GATAD2B: variants seen among roughly 807,000 people sequenced by gnomAD.
GATAD2B encodes transcriptional repressor p66-beta.
A neutral mutation model predicts 64.3 loss-of-function variants in GATAD2B; 8 were observed. The observed-to-expected ratio is 0.12, with a 90% CI of 0.07 to 0.22. The LOEUF is 0.22. Among genes scored for constraint, GATAD2B ranks in the 10% least tolerant of loss-of-function variants. The pLI is 1.00. For synonymous variants in GATAD2B, 281 were observed against 271.3 expected (o/e 1.04, Z -0.35); for missense variants, 453 against 752.0 (o/e 0.60, Z 4.65).
chr1:153,859,232 T>C (rs550668993), intron 1 of GATAD2B, among the ~76,000 whole-genome samples: 226 of 150,804 alleles, frequency 1.5e-3, no homozygotes, highest in African/African-American at 5.4e-3. Flanking sequence ...GCAGGTGTGG[T>C]GGAGTGTGCC....
In GATAD2B at chr1:153,839,197, C is replaced by T. The variant is rs116184028; in HGVS notation, c.-1-10849G>A. Among the ~76,000 whole-genome samples the T allele has an allele frequency of 5.2e-3, 775 of 147,788 alleles. 3 individuals carry two copies. The highest frequency in any genetic ancestry group is 9.3e-3 in the Non-Finnish European group (623 of 67,278). ...AGAGCAGAAAAAGAAAAATGTCCAACTTTAAACTTGCTGTTGGACTCCTAT... is the reference window on the plus strand; with the variant it reads ...AGAGCAGAAAAAGAAAAATGTCCAATTTTAAACTTGCTGTTGGACTCCTAT... On this transcript the variant is annotated intron_variant, in intron 1 of 10. Coordinates refer to ENST00000368655, the MANE Select transcript of GATAD2B (RefSeq NM_020699.4).
intron 1 of GATAD2B, among the ~76,000 whole-genome samples, chr1:153,915,589 G>A (rs1678239204): frequency 6.6e-6 from 1 of 151,840 alleles, no homozygotes; most frequent in African/African-American, 2.4e-5. Context: ...TCAAAAATTA[G>A]CTGGGCAAAG....
At position 153,808,538 on chromosome 1, in the gene GATAD2B, CA is replaced by C. The variant is rs1674177189; in HGVS notation, c.*1638del. On this transcript the variant is annotated 3_prime_UTR_variant, in exon 11 of 11. Transcript: ENST00000368655. ...AACTTCCTCAGGTGACTTTCAAGGGCAAAATATTAAACTTCTCCTCATTCTT... is the reference window on the plus strand; with the variant it reads ...AACTTCCTCAGGTGACTTTCAAGGGCAAATATTAAACTTCTCCTCATTCTT... The C allele has an allele frequency of 6.6e-6, 1 of 152,428 alleles. No individual in the cohort carries two copies. The highest frequency in any genetic ancestry group is 1.5e-5 in the Non-Finnish European group (1 of 67,996). 9.4% of individuals were successfully genotyped at this position (152,428 alleles called of 1,614,324 possible).
chr1:153,853,724 T>G (rs1041561562), intron 1 of GATAD2B, among the ~76,000 whole-genome samples: 8 of 152,122 alleles, frequency 5.3e-5, no homozygotes, highest in Non-Finnish European at 8.8e-5. Flanking sequence ...TTCTTATGAG[T>G]TTTATAGTTT....
intron 10 of GATAD2B, among the ~76,000 whole-genome samples, chr1:153,811,056 C>A (rs1426691494): frequency 6.6e-6 from 1 of 152,164 alleles, no homozygotes; most frequent in Non-Finnish European, 1.5e-5. Flanking sequence ...TGAGCCACCA[C>A]GCCCAGCCAA....
chr1:153,856,112 C>A (rs1676075840), intron 1 of GATAD2B, among the ~76,000 whole-genome samples: 2 of 152,228 alleles, frequency 1.3e-5, no homozygotes, highest in South Asian at 2.1e-4. Context: ...ACTCCTCTGA[C>A]TGCCAACTCT....
chr1:153,866,652 T>C (rs566870259), intron 1 of GATAD2B, among the ~76,000 whole-genome samples: 1 of 152,272 alleles, frequency 6.6e-6, no homozygotes, highest in Non-Finnish European at 1.5e-5. Context: ...AATGAATTTA[T>C]ACACACACAC....
At chr1:153,841,259 T>C (rs1033102132) in intron 1 of GATAD2B, among the ~76,000 whole-genome samples, 3 of 152,178 alleles carry the variant, frequency 2.0e-5, no homozygotes, top group African/African-American at 4.8e-5. Context: ...GATATCAACA[T>C]TGATACAATA....
chr1:153,863,364 T>G (rs1439748052), intron 1 of GATAD2B, among the ~76,000 whole-genome samples: 2 of 151,840 alleles, frequency 1.3e-5, no homozygotes, highest in Non-Finnish European at 2.9e-5. Context: ...GGCGTGGTGG[T>G]GCATGCCTGT....
chr1:153,841,026 G>GAA (rs1033884853), intron 1 of GATAD2B, among the ~76,000 whole-genome samples: 51 of 150,438 alleles, frequency 3.4e-4, no homozygotes, highest in African/African-American at 1.3e-3. Context: ...TCAGGAAGCT[G>GAA]AAGCAGGAGA....
At chr1:153,815,101 A>AAAAAAAAAAAC (rs1674415060) in intron 7 of GATAD2B, among the ~76,000 whole-genome samples, 3 of 144,124 alleles carry the variant, frequency 2.1e-5, no homozygotes, top group Non-Finnish European at 4.6e-5. Context: ...AAAAAAAAAA[A>AAAAAAAAAAAC]AAAAAAAAAA....
intron 1 of GATAD2B, chr1:153,852,987 A>G: frequency 9.7e-7 from 1 of 1,025,812 alleles, no homozygotes; most frequent in Non-Finnish European, 1.5e-6. Context: ...CCACAGTGCC[A>G]GTCACTACCC....
intron 1 of GATAD2B, among the ~76,000 whole-genome samples, chr1:153,857,360 C>T (rs1341859052): frequency 2.0e-5 from 3 of 151,876 alleles, no homozygotes; most frequent in Non-Finnish European, 4.4e-5. Flanking sequence ...GCAGGAAAAT[C>T]GCTTGAACCC....
At chr1:153,823,566 G>A (rs1208363535) in intron 2 of GATAD2B, among the ~76,000 whole-genome samples, 8 of 151,782 alleles carry the variant, frequency 5.3e-5, no homozygotes, top group South Asian at 2.1e-4. Context: ...CCCAGACAGA[G>A]CTCAAATTCT....
At chr1:153,852,959 C>T in intron 1 of GATAD2B, 2 of 898,100 alleles carry the variant, frequency 2.2e-6, no homozygotes, top group Admixed American at 1.7e-5. Context: ...CTGCCACTGA[C>T]ACAGACTTGG....
intron 1 of GATAD2B, among the ~76,000 whole-genome samples, chr1:153,902,435 T>G (rs1318345575): frequency 2.0e-5 from 3 of 152,156 alleles, no homozygotes; most frequent in Non-Finnish European, 2.9e-5. Context: ...TACAAACATA[T>G]TATACCTAGT....
chr1:153,859,101 G>A (rs1245033864), intron 1 of GATAD2B, among the ~76,000 whole-genome samples: 2 of 152,102 alleles, frequency 1.3e-5, no homozygotes, highest in African/African-American at 4.8e-5. Context: ...TATATAGGGT[G>A]CAGTGGCTCC....
At chr1:153,922,299 AG>A (rs1365921773) in intron 1 of GATAD2B, among the ~76,000 whole-genome samples, 23 of 132,550 alleles carry the variant, frequency 1.7e-4, no homozygotes, top group East Asian at 4.5e-4. Flanking sequence ...AAAAAAAAAA[AG>A]GGGGGGGCGC....
At chr1:153,852,243 TC>T in intron 1 of GATAD2B, 1 of 1,219,194 alleles carries the variant, frequency 8.2e-7, no homozygotes, top group Non-Finnish European at 1.2e-6. Context: ...TAACAAGAAA[TC>T]CATCAAGTCA....
Sources: allele counts gnomAD v4.1 joint callset (sites outside exome capture counted in the v4.1 genomes callset), GRCh38; gene constraint gnomAD v4.1.1; transcripts MANE v1.5; gene names NCBI Gene and HGNC (gene_info 2026-07-23, HGNC 2026-07-21).